The following RUNX2 variants were observed in gnomAD, a reference collection of about 807,000 sequenced individuals.
RUNX2 encodes runt-related transcription factor 2.
RUNX2 carries 10 observed loss-of-function variants against 51.7 expected under a neutral mutation model. The observed-to-expected ratio is 0.19, with a 90% CI of 0.12 to 0.33. The LOEUF (loss-of-function observed/expected upper bound fraction) is 0.33, where lower values mean the gene tolerates loss of function less well. Ranked by LOEUF, RUNX2 falls within the 10% of genes least tolerant of loss-of-function variation. The pLI, the probability that RUNX2 is intolerant of heterozygous loss-of-function variation, is 1.00. For missense variants in RUNX2, 562 were observed against 691.3 expected, an observed-to-expected ratio of 0.81 and a Z score of 2.10; for synonymous variants, 276 against 273.6, an observed-to-expected ratio of 1.01 and a Z score of -0.09.
At chr6:45,449,338 T>C (rs1377128372) in intron 5 of RUNX2, among the ~76,000 whole-genome samples, 1 of 152,198 alleles carries the variant, frequency 6.6e-6, no homozygotes, top group African/African-American at 2.4e-5. Flanking sequence ...AATTAGTAAT[T>C]ATGTAGCGCC....
At chr6:45,467,560 G>A (rs1197758967) in intron 5 of RUNX2, among the ~76,000 whole-genome samples, 1 of 152,106 alleles carries the variant, frequency 6.6e-6, no homozygotes, top group Non-Finnish European at 1.5e-5. Flanking sequence ...GGGATTATAG[G>A]CATGAAACAC....
chr6:45,405,269 T>C (rs1797808071), intron 2 of RUNX2, among the ~76,000 whole-genome samples: 2 of 152,252 alleles, frequency 1.3e-5, no homozygotes, highest in African/African-American at 4.8e-5. Flanking sequence ...ATTTAATACT[T>C]CCGGCAGCAA....
intron 3 of RUNX2, among the ~76,000 whole-genome samples, chr6:45,427,279 G>T (rs1798408589): frequency 6.6e-6 from 1 of 151,918 alleles, no homozygotes; most frequent in African/African-American, 2.4e-5. Context: ...ATTATTGTTT[G>T]TATCCTTTCA....
intron 4 of RUNX2, among the ~76,000 whole-genome samples, chr6:45,433,633 A>G (rs1460133607): frequency 5.9e-5 from 9 of 152,152 alleles, no homozygotes; most frequent in Admixed American, 5.9e-4. Flanking sequence ...TTTCTGATCA[A>G]TTTAAGTAGA....
chr6:45,365,358 A>G, intron 2 of RUNX2: 1 of 1,107,320 alleles, frequency 9.0e-7, no homozygotes, highest in South Asian at 1.4e-5. Flanking sequence ...AGTAAATGCA[A>G]AAAAAAAAGA....
At chr6:45,349,243 A>G (rs1164246834) in intron 2 of RUNX2, among the ~76,000 whole-genome samples, 1 of 152,172 alleles carries the variant, frequency 6.6e-6, no homozygotes, top group Non-Finnish European at 1.5e-5. Flanking sequence ...AATCACAATA[A>G]TTCTCTATAT....
chr6:45,529,760 A>C (rs1801786267), intron 7 of RUNX2, among the ~76,000 whole-genome samples: 1 of 152,158 alleles, frequency 6.6e-6, no homozygotes, highest in Non-Finnish European at 1.5e-5. Flanking sequence ...AAAGGAATAA[A>C]ATTGGTAGGG....
Position 45,546,845 on chromosome 6 carries a change from C to G in RUNX2, c.1106C>G (p.Pro369Arg), listed in dbSNP as rs767251365. 4 of 1,613,930 alleles carry G rather than the reference C, an allele frequency of 2.5e-6. No individual in the cohort carries two copies. In the East Asian group the frequency reaches 6.7e-5, roughly 27 times the overall value. The change falls in exon 9 of 9, where the codon CCT becomes CGT. Residue 369 changes from proline (P) to arginine (R), a missense_variant. By Grantham distance (103) the Pro-to-Arg change is moderately radical. Around this residue, in one of 5 missense-constraint regions of RUNX2, gnomAD observed 304 missense variants for 353.2 expected, o/e 0.86. Transcript: ENST00000647337. The stretch of plus-strand genomic sequence containing the variant: ...TTTTTAGGTGCTTCAGAACTGGGCC[C>G]TTTTTCAGACCCCAGGCAGTTCCCA... ...KSQAGASELG[P>R]FSDPRQFPSI...
intron 2 of RUNX2, among the ~76,000 whole-genome samples, chr6:45,334,771 G>T (rs775553323): frequency 6.9e-6 from 1 of 145,816 alleles, no homozygotes; most frequent in Admixed American, 6.8e-5. Context: ...GAAAAAAATT[G>T]TAAATTATGT....
At chr6:45,419,102 T>G (rs938617687) in intron 2 of RUNX2, among the ~76,000 whole-genome samples, 4 of 152,192 alleles carry the variant, frequency 2.6e-5, no homozygotes, top group Non-Finnish European at 5.9e-5. Context: ...CCAAGGTAAC[T>G]TCTTAAATTC....
intron 4 of RUNX2, among the ~76,000 whole-genome samples, chr6:45,435,897 G>A (rs556892813): frequency 2.6e-5 from 4 of 152,196 alleles, no homozygotes; most frequent in Middle Eastern, 3.4e-3. Context: ...TACTTTTTGC[G>A]ATCTTTCCAT....
intron 3 of RUNX2, among the ~76,000 whole-genome samples, chr6:45,425,498 T>C (rs1005415627): frequency 6.6e-6 from 1 of 152,254 alleles, no homozygotes; most frequent in Non-Finnish European, 1.5e-5. Context: ...TTTTAATTCA[T>C]ATCAATTGAA....
intron 3 of RUNX2, among the ~76,000 whole-genome samples, chr6:45,427,966 TTCTC>T (rs1341064531): frequency 2.6e-5 from 4 of 152,200 alleles, no homozygotes; most frequent in African/African-American, 9.6e-5. Flanking sequence ...AGGAACGTCT[TTCTC>T]TATTCTGAAA....
At chr6:45,422,303 G>C (rs112832178) in intron 2 of RUNX2, 46 of 368,722 alleles carry the variant, frequency 1.2e-4, no homozygotes, top group African/African-American at 7.6e-4. Flanking sequence ...GTTCGCAGCT[G>C]CCACCCCGGG....
intron 6 of RUNX2, among the ~76,000 whole-genome samples, chr6:45,500,923 C>A (rs944280504): frequency 7.9e-5 from 12 of 152,198 alleles, no homozygotes; most frequent in African/African-American, 2.9e-4. Context: ...GATGGAAGAA[C>A]TTCCAAAGAG....
intron 5 of RUNX2, among the ~76,000 whole-genome samples, chr6:45,464,157 C>A (rs997137785): frequency 1.6e-4 from 24 of 151,506 alleles, no homozygotes; most frequent in Middle Eastern, 3.2e-3. Context: ...CACGCCCCTG[C>A]ATTCCAGCCT....
chr6:45,490,041 A>T (rs976736942), intron 5 of RUNX2, among the ~76,000 whole-genome samples: 3 of 152,176 alleles, frequency 2.0e-5, no homozygotes, highest in Non-Finnish European at 4.4e-5. Context: ...GTGCCACGTG[A>T]TGAATGGAAA....
intron 2 of RUNX2, among the ~76,000 whole-genome samples, chr6:45,384,707 T>G (rs1008986692): frequency 1.6e-4 from 4 of 25,768 alleles, no homozygotes; most frequent in African/African-American, 1.3e-3. Context: ...TTAGGGTGTC[T>G]TTTTTTTTTT....
chr6:45,357,718 A>T (rs1322128103), intron 2 of RUNX2, among the ~76,000 whole-genome samples: 1 of 152,196 alleles, frequency 6.6e-6, no homozygotes, highest in Admixed American at 6.5e-5. Context: ...AATTGACAGA[A>T]TACTACATAA....
Sources: gnomAD v4.1 joint callset for allele counts (sites outside exome capture counted in the v4.1 genomes callset) on GRCh38, gnomAD v4.1.1 for gene constraint, gnomAD v4.1.1 regional missense constraint, MANE v1.5 for transcripts, NCBI Gene and HGNC (gene_info 2026-07-23, HGNC 2026-07-21) for gene names.